Variants in SYTL3 observed in about 807,000 individuals in gnomAD.
The protein encoded by SYTL3 is synaptotagmin-like protein 3.
In SYTL3, 88 loss-of-function variants were observed where a neutral mutation model predicts 82.1. The observed-to-expected ratio is 1.07, with a 90% CI of 0.90 to 1.28. SYTL3 has a LOEUF of 1.28. SYTL3 is among the 50% of genes most tolerant of loss of function. The pLI is 0.00. For missense variants in SYTL3, 831 were observed against 757.6 expected (o/e 1.10, Z -1.14); for synonymous variants, 311 against 289.4 (o/e 1.07, Z -0.76).
chr6:158,745,152 G>A (rs748387374), intron 11 of SYTL3, among the ~76,000 whole-genome samples: 2 of 151,684 alleles, frequency 1.3e-5, no homozygotes, highest in Admixed American at 6.6e-5. Context: ...ATATTATCTT[G>A]GCCTCCTGGG....
intron 12 of SYTL3, 148 bp from the exon 13 acceptor site, chr6:158,751,780 G>A (rs1287433452): frequency 1.7e-6 from 1 of 583,456 alleles, no homozygotes; most frequent in African/African-American, 1.9e-5. Context: ...TCACTATTAG[G>A]CTATTAAGTC....
chr6:158,742,567 ATTTT>A (rs142084166), intron 11 of SYTL3, among the ~76,000 whole-genome samples: 1 of 144,488 alleles, frequency 6.9e-6, no homozygotes, highest in African/African-American at 2.5e-5. Context: ...TGCTGGAAGC[ATTTT>A]TTTTTTTTTG....
chr6:158,704,221 G>A (rs997871528), intron 6 of SYTL3, among the ~76,000 whole-genome samples: 6 of 152,228 alleles, frequency 3.9e-5, no homozygotes. Flanking sequence ...CGTGGGAACG[G>A]GCACGCCTGC....
chr6:158,735,036 C>A (rs114595481), intron 11 of SYTL3, among the ~76,000 whole-genome samples: 1 of 152,134 alleles, frequency 6.6e-6, no homozygotes. Context: ...GGAGTCCAGG[C>A]TTTTCACACT....
chr6:158,695,308 C>T (rs984868537), intron 6 of SYTL3, among the ~76,000 whole-genome samples: 1 of 152,162 alleles, frequency 6.6e-6, no homozygotes, highest in Admixed American at 6.5e-5. Flanking sequence ...CAATGAATAG[C>T]ATGGAAACCA....
chr6:158,744,182 G>A (rs1583452715), intron 11 of SYTL3, among the ~76,000 whole-genome samples: 1 of 151,250 alleles, frequency 6.6e-6, no homozygotes, highest in East Asian at 1.9e-4. Context: ...CTCCCAAAGT[G>A]CTGGGATTAC....
intron 6 of SYTL3, among the ~76,000 whole-genome samples, chr6:158,692,255 CTCAAAAAAAAAAAAA>C (rs1779971442): frequency 1.6e-4 from 3 of 19,126 alleles, no homozygotes; most frequent in African/African-American, 4.5e-4. Flanking sequence ...GAGACTCCGT[CTCAAAAAAAAAAAAA>C]AAAAAAAAAA....
At chr6:158,748,406 G>A (rs540031662) in intron 12 of SYTL3, among the ~76,000 whole-genome samples, 6 of 152,148 alleles carry the variant, frequency 3.9e-5, no homozygotes, top group East Asian at 1.9e-4. Flanking sequence ...TTCCTGTACC[G>A]TCTACCTCAG....
chr6:158,665,310 G>A, intron 4 of SYTL3, 85 bp from the exon 5 acceptor site: 1 of 1,306,322 alleles, frequency 7.7e-7, no homozygotes, highest in Non-Finnish European at 1.1e-6. Flanking sequence ...CCCTTGCCAT[G>A]GGGGTTACTG....
At chr6:158,688,515 CA>C (rs1267640100) in intron 6 of SYTL3, among the ~76,000 whole-genome samples, 1 of 152,140 alleles carries the variant, frequency 6.6e-6, no homozygotes, top group Admixed American at 6.6e-5. Context: ...GTAATCCCAG[CA>C]TTTTGGGAGG....
chr6:158,725,461 G>A (rs1450708473), intron 10 of SYTL3, 42 bp from the exon 11 acceptor site: 1 of 1,605,304 alleles, frequency 6.2e-7, no homozygotes, highest in African/African-American at 1.3e-5. Context: ...AACCAAACTG[G>A]GATGGAGACT....
chr6:158,755,155 C>A (rs937616739), intron 13 of SYTL3, among the ~76,000 whole-genome samples: 2 of 152,146 alleles, frequency 1.3e-5, no homozygotes, highest in African/African-American at 4.8e-5. Context: ...CCAGCCTGGG[C>A]AATGTAGAGA....
Position 158,764,283 on chromosome 6 carries a change from C to G in SYTL3, c.1724-212C>G, listed in dbSNP as rs142455837. On this transcript the variant is annotated intron_variant, in intron 17 of 17. Coordinates refer to ENST00000611299, the MANE Select transcript of SYTL3 (RefSeq NM_001242394.2). The stretch of plus-strand genomic sequence containing the variant: ...CTACAGAACTCCAGGCTGTTAGAGC[C>G]TCGCAGAGCAGAGGATGCCTGCGTG... 5.3e-5 allele frequency among the ~76,000 whole-genome samples: 8 copies of G among 152,312 alleles called. No individual in the cohort carries two copies. The East Asian group carries it at 1.3e-3, about 26-fold the overall frequency.
At chr6:158,722,774 T>TG (rs913512085) in intron 10 of SYTL3, among the ~76,000 whole-genome samples, 8 of 142,432 alleles carry the variant, frequency 5.6e-5, no homozygotes, top group Admixed American at 3.4e-4. Context: ...TTTTTTTTTT[T>TG]TTTTTTTTTT....
chr6:158,719,971 C>A (rs138303461), intron 10 of SYTL3, among the ~76,000 whole-genome samples: 1 of 152,120 alleles, frequency 6.6e-6, no homozygotes, highest in Non-Finnish European at 1.5e-5. Flanking sequence ...TGTCTATAAT[C>A]CCAGCTACTA....
chr6:158,744,650 G>T (rs1465844453), intron 11 of SYTL3, among the ~76,000 whole-genome samples: 1 of 152,136 alleles, frequency 6.6e-6, no homozygotes, highest in African/African-American at 2.4e-5. Context: ...TTCTTTTCAA[G>T]ATGTTTTATA....
chr6:158,713,626 C>T (rs759211193), intron 8 of SYTL3, among the ~76,000 whole-genome samples, 174 bp from the exon 9 acceptor site: 4 of 152,202 alleles, frequency 2.6e-5, no homozygotes, highest in Non-Finnish European at 2.9e-5. Flanking sequence ...GACTGCTGTC[C>T]GCCTCCAGGC....
intron 11 of SYTL3, among the ~76,000 whole-genome samples, chr6:158,740,519 T>C (rs1315686930): frequency 2.0e-5 from 3 of 152,196 alleles, no homozygotes; most frequent in African/African-American, 7.2e-5. Context: ...CTCTTTGTTT[T>C]TGGTCACTTA....
chr6:158,726,488 C>A, intron 11 of SYTL3: 1 of 182,076 alleles, frequency 5.5e-6, no homozygotes, highest in Non-Finnish European at 1.2e-5. Flanking sequence ...TTCATAGATT[C>A]TTCATTGATA....
Sources: allele counts gnomAD v4.1 joint callset (sites outside exome capture counted in the v4.1 genomes callset), GRCh38; gene constraint gnomAD v4.1.1; transcripts MANE v1.5; gene names NCBI Gene and HGNC (gene_info 2026-07-23, HGNC 2026-07-21).